Variants in RBPJ observed in about 807,000 individuals in gnomAD.
RBPJ encodes the protein recombination signal binding protein for immunoglobulin kappa J region, also known as recombining binding protein suppressor of hairless.
Under a neutral mutation model 67.8 loss-of-function variants are expected in RBPJ, and 9 were observed. That is an observed-to-expected ratio of 0.13 (90% CI 0.08 to 0.23). RBPJ has a LOEUF of 0.23. Ranked by LOEUF, RBPJ falls within the 10% of genes least tolerant of loss-of-function variation. The pLI is 1.00. For synonymous variants in RBPJ, 198 were observed against 203.3 expected (o/e 0.97, Z 0.22); for missense variants, 305 against 595.6 (o/e 0.51, Z 5.08).
At chr4:26,117,630 C>G in the RBPJ span, among the ~76,000 whole-genome samples, 2 of 152,098 alleles carry the variant, frequency 1.3e-5, no homozygotes, top group African/African-American at 2.4e-5. Context: ...AGGGGACAAA[C>G]TAGGGAGAAG....
intron 1 of RBPJ, among the ~76,000 whole-genome samples, chr4:26,180,251 AATTG>A (rs1253959831): frequency 7.2e-5 from 11 of 152,110 alleles, no homozygotes; most frequent in Admixed American, 2.0e-4. Flanking sequence ...GTGACGAAAT[AATTG>A]ATATAACAAA....
intron 1 of RBPJ, among the ~76,000 whole-genome samples, chr4:26,361,827 T>C (rs751033042): frequency 1.2e-4 from 18 of 152,180 alleles, no homozygotes; most frequent in Non-Finnish European, 2.2e-4. Context: ...TTTATGTTTT[T>C]ATGTAAGAAA....
intron 1 of RBPJ, among the ~76,000 whole-genome samples, chr4:26,283,649 C>CTTTT (rs371025225): frequency 7.0e-6 from 1 of 142,270 alleles, no homozygotes; most frequent in Non-Finnish European, 1.5e-5. Context: ...TTTAACTAAA[C>CTTTT]TTTTTTTTTT....
chr4:26,250,446 C>T (rs370383014), intron 1 of RBPJ, among the ~76,000 whole-genome samples: 58 of 151,400 alleles, frequency 3.8e-4, no homozygotes, highest in African/African-American at 1.3e-3. Flanking sequence ...ATTCTCCTGC[C>T]TCAGCCTCCC....
chr4:26,419,729 G>C (rs1461906541), intron 4 of RBPJ, among the ~76,000 whole-genome samples: 2 of 152,158 alleles, frequency 1.3e-5, no homozygotes, highest in African/African-American at 4.8e-5. Context: ...GATTCACAGG[G>C]ATCAAGAGAA....
rs1560351960 is a variant in RBPJ, at chr4:26,431,200, A to AAAAAAAAAAAAG, written c.*203_*214dup. 1.0e-4 allele frequency: 38 copies of AAAAAAAAAAAAG among 373,372 alleles called. No homozygotes were observed. The highest frequency in any genetic ancestry group is 3.1e-4 in the South Asian group (4 of 12,936). The allele number at this position is 373,372 out of a possible 1,614,324, so 23.1% of individuals were successfully genotyped here. A position where few individuals can be genotyped will look rare whatever the true frequency, so the allele number is the denominator to read the frequency against. On this transcript the variant is annotated 3_prime_UTR_variant, in exon 11 of 11. Transcript: ENST00000355476. ...AAGCCACAGTAAAAAAAAAAAAAAAAAAAAAAAAAAAGAAAAAAAAATCAA... is the reference window on the plus strand; with the variant it reads ...AAGCCACAGTAAAAAAAAAAAAAAAAAAAAAAAAAAAGAAAAAAAAAAAGAAAAAAAAATCAA...
At chr4:26,342,229 A>G (rs968983239) in intron 1 of RBPJ, among the ~76,000 whole-genome samples, 2 of 151,208 alleles carry the variant, frequency 1.3e-5, no homozygotes, top group Admixed American at 6.6e-5. Flanking sequence ...AAAGATGAGT[A>G]TATACATTAG....
intron 2 of RBPJ, among the ~76,000 whole-genome samples, chr4:26,389,038 A>G (rs1358963190): frequency 6.6e-6 from 1 of 152,088 alleles, no homozygotes; most frequent in African/African-American, 2.4e-5. Flanking sequence ...CATGGGCAAC[A>G]TGGCGAAACC....
chr4:26,145,748 G>C, the RBPJ span, among the ~76,000 whole-genome samples: 1 of 152,126 alleles, frequency 6.6e-6, no homozygotes, highest in African/African-American at 2.4e-5. Flanking sequence ...ATGATGCTGG[G>C]ATCTTCATTA....
chr4:26,256,315 T>A (rs1399382108), intron 1 of RBPJ, among the ~76,000 whole-genome samples: 1 of 151,690 alleles, frequency 6.6e-6, no homozygotes, highest in Non-Finnish European at 1.5e-5. Context: ...GATTTTTGAC[T>A]AGCATGATGT....
At chr4:26,168,164 G>A (rs1001844686) in intron 1 of RBPJ, among the ~76,000 whole-genome samples, 9 of 152,008 alleles carry the variant, frequency 5.9e-5, no homozygotes, top group African/African-American at 2.2e-4. Context: ...TTTCTTCCTA[G>A]TCTCGATGGT....
At chr4:26,262,049 G>A (rs931741403) in intron 1 of RBPJ, among the ~76,000 whole-genome samples, 29 of 152,016 alleles carry the variant, frequency 1.9e-4, no homozygotes, top group Admixed American at 7.9e-4. Context: ...GGGCTCAAGC[G>A]GTCCTCCCAC....
At position 26,386,361 on chromosome 4, in the gene RBPJ, G is replaced by T. The variant is rs539980485; in HGVS notation, c.29G>T (p.Gly10Val). 2.1e-5 allele frequency: 34 copies of T among 1,598,974 alleles called. No individual in the cohort carries two copies. Among genetic ancestry groups the T allele is most frequent in the East Asian group, 2.2e-5 (1 of 44,722 alleles). ...TATTTTTTTTTTTCCAGGAAATTTG[G>T]TGAGCGGCCTCCACCTAAACGACTT... The part of the protein sequence containing the change: MAPVVTGKF[G>V]ERPPPKRLTR... Residue 10 changes from glycine to valine, a missense_variant, in exon 2 of 11, where the codon GGT becomes GTT. By Grantham distance (109) the Gly-to-Val change is moderately radical. Around this residue, in one of 7 missense-constraint regions of RBPJ, gnomAD observed 42 missense variants for 43.6 expected, o/e 0.96. Coordinates refer to ENST00000355476, the MANE Select transcript of RBPJ (RefSeq NM_015874.6).
chr4:26,301,158 A>G (rs1253983895), intron 1 of RBPJ, among the ~76,000 whole-genome samples: 1 of 152,200 alleles, frequency 6.6e-6, no homozygotes, highest in Non-Finnish European at 1.5e-5. Context: ...GAGTATTTTT[A>G]TCCTCGGTTT....
the RBPJ span, among the ~76,000 whole-genome samples, chr4:26,139,714 C>T: frequency 9.9e-5 from 15 of 152,120 alleles, 1 homozygote; most frequent in South Asian, 2.9e-3. Flanking sequence ...TTCTGTTCCT[C>T]TCAGTGACAT....
chr4:26,143,026 C>T, the RBPJ span, among the ~76,000 whole-genome samples: 1 of 152,218 alleles, frequency 6.6e-6, no homozygotes, highest in Non-Finnish European at 1.5e-5. Context: ...AGGTGATCCA[C>T]CTACCTTGGC....
chr4:26,318,052 T>G (rs1428042405), upstream of RBPJ, among the ~76,000 whole-genome samples: 1 of 152,048 alleles, frequency 6.6e-6, no homozygotes, highest in African/African-American at 2.4e-5. Context: ...AGACTTGCAC[T>G]GAGATATTGC....
intron 1 of RBPJ, among the ~76,000 whole-genome samples, chr4:26,249,157 G>T (rs188556045): frequency 6.6e-6 from 1 of 152,082 alleles, no homozygotes; most frequent in Admixed American, 6.6e-5. Flanking sequence ...AAGCAAAAGC[G>T]GGCAAAGTCT....
chr4:26,155,434 CTT>C, the RBPJ span, among the ~76,000 whole-genome samples: 828 of 131,610 alleles, frequency 6.3e-3, 4 homozygotes, highest in African/African-American at 0.02. Flanking sequence ...CTCTCTCTCT[CTT>C]TTTTTTTTTT....
Sources: gnomAD v4.1 joint callset for allele counts (sites outside exome capture counted in the v4.1 genomes callset) on GRCh38, gnomAD v4.1.1 for gene constraint, gnomAD v4.1.1 regional missense constraint, MANE v1.5 for transcripts, NCBI Gene and HGNC (gene_info 2026-07-23, HGNC 2026-07-21) for gene names.